Variants in SORCS1 observed in about 807,000 individuals in gnomAD.
SORCS1 encodes the protein sortilin related VPS10 domain containing receptor 1.
SORCS1 carries 60 observed loss-of-function variants against 146.1 expected under a neutral mutation model. That is an observed-to-expected ratio of 0.41 (90% confidence interval 0.33 to 0.51). The LOEUF (loss-of-function observed/expected upper bound fraction) is 0.51, where lower values mean the gene tolerates loss of function less well. SORCS1 is among the 20% of genes least tolerant of loss of function. The probability of loss-of-function intolerance (pLI) is 0.21; values close to 1 mark genes in which losing one functional copy is unlikely to be tolerated. For missense variants in SORCS1, 1,352 were observed against 1,487.6 expected, an observed-to-expected ratio of 0.91 and a Z score of 1.50; for synonymous variants, 637 against 584.0, an observed-to-expected ratio of 1.09 and a Z score of -1.31.
At chr10:106,884,618 C>T (rs758530277) in intron 2 of SORCS1, among the ~76,000 whole-genome samples, 5 of 152,132 alleles carry the variant, frequency 3.3e-5, no homozygotes, top group Non-Finnish European at 5.9e-5. Context: ...TAACATTTGT[C>T]AGTTAAAGCC....
At chr10:106,696,188 C>T (rs764176576) in intron 9 of SORCS1, among the ~76,000 whole-genome samples, 1 of 152,198 alleles carries the variant, frequency 6.6e-6, no homozygotes, top group Non-Finnish European at 1.5e-5. Context: ...CAAATGTGAG[C>T]AGACATGCAC....
chr10:107,038,305 T>C (rs919070176), intron 1 of SORCS1, among the ~76,000 whole-genome samples: 2 of 146,412 alleles, frequency 1.4e-5, no homozygotes, highest in African/African-American at 2.5e-5. Context: ...AGGAAAAACG[T>C]AGGGAGAAGC....
intron 2 of SORCS1, among the ~76,000 whole-genome samples, chr10:106,923,702 C>T (rs1411471318): frequency 6.6e-6 from 1 of 152,198 alleles, no homozygotes; most frequent in African/African-American, 2.4e-5. Context: ...TTGCAATTCT[C>T]TTACATGGTG....
intron 1 of SORCS1, among the ~76,000 whole-genome samples, chr10:107,140,764 T>C (rs1391668362): frequency 6.6e-6 from 1 of 152,256 alleles, no homozygotes; most frequent in Middle Eastern, 3.2e-3. Context: ...ATGGTAATTC[T>C]GGCTGAGCAT....
At chr10:106,664,626 A>G in intron 17 of SORCS1, among the ~76,000 whole-genome samples, 1 of 152,180 alleles carries the variant, frequency 6.6e-6, no homozygotes, top group East Asian at 1.9e-4. Context: ...TGGGTAACAG[A>G]GTGAGACTCC....
chr10:107,101,684 A>T (rs1964933154), intron 1 of SORCS1, among the ~76,000 whole-genome samples: 1 of 152,130 alleles, frequency 6.6e-6, no homozygotes, highest in Admixed American at 6.5e-5. Context: ...AATAAAAAAT[A>T]GTAACCTGAA....
intron 1 of SORCS1, among the ~76,000 whole-genome samples, chr10:106,993,831 T>A (rs1956873776): frequency 6.6e-6 from 1 of 152,086 alleles, no homozygotes; most frequent in Non-Finnish European, 1.5e-5. Context: ...CCCTACACTT[T>A]GGGAGGCTGA....
upstream of SORCS1, among the ~76,000 whole-genome samples, chr10:107,168,229 C>T (rs1970094751): frequency 6.6e-6 from 1 of 152,184 alleles, no homozygotes; most frequent in African/African-American, 2.4e-5. Flanking sequence ...AACCCCACTT[C>T]ATATGGCTGA....
chr10:106,841,811 G>C (rs1949058269), intron 2 of SORCS1, among the ~76,000 whole-genome samples: 1 of 152,136 alleles, frequency 6.6e-6, no homozygotes, highest in Non-Finnish European at 1.5e-5. Flanking sequence ...GTGCACCATA[G>C]TTTCCAGTCA....
intron 1 of SORCS1, among the ~76,000 whole-genome samples, chr10:107,035,707 C>T (rs563873931): frequency 1.3e-5 from 2 of 152,210 alleles, no homozygotes; most frequent in African/African-American, 2.4e-5. Flanking sequence ...CACTTAAAAG[C>T]TATTTCACAT....
At chr10:106,805,354 C>G (rs1004993202) in intron 3 of SORCS1, among the ~76,000 whole-genome samples, 2 of 152,158 alleles carry the variant, frequency 1.3e-5, no homozygotes, top group Non-Finnish European at 2.9e-5. Context: ...GGCTTGGAAT[C>G]TATTACCTTT....
At chr10:106,642,043 C>T (rs1849105395) in intron 18 of SORCS1, among the ~76,000 whole-genome samples, 1 of 152,136 alleles carries the variant, frequency 6.6e-6, no homozygotes, top group Non-Finnish European at 1.5e-5. Flanking sequence ...AAACATCTAA[C>T]TATTTGCTGA....
chr10:107,108,811 A>C (rs917311161), intron 1 of SORCS1, among the ~76,000 whole-genome samples: 1 of 152,012 alleles, frequency 6.6e-6, no homozygotes, highest in East Asian at 1.9e-4. Context: ...CCTGTAACAT[A>C]AAAAAAACAA....
At chr10:106,740,849 G>A (rs1857311290) in intron 5 of SORCS1, among the ~76,000 whole-genome samples, 1 of 152,226 alleles carries the variant, frequency 6.6e-6, no homozygotes, top group South Asian at 2.1e-4. Context: ...TGTTATCTCT[G>A]AAAGCAATTT....
intron 18 of SORCS1, among the ~76,000 whole-genome samples, chr10:106,629,916 C>T (rs1287855174): frequency 2.0e-5 from 3 of 152,074 alleles, no homozygotes; most frequent in Middle Eastern, 3.2e-3. Context: ...TGGTGGCGCA[C>T]GCCTATAGTC....
chr10:106,790,276 G>A (rs1189367810), intron 3 of SORCS1, among the ~76,000 whole-genome samples: 1 of 152,156 alleles, frequency 6.6e-6, no homozygotes, highest in Non-Finnish European at 1.5e-5. Flanking sequence ...TAACATCAGA[G>A]GTTTGTTCTA....
intron 1 of SORCS1, among the ~76,000 whole-genome samples, chr10:107,114,904 G>C (rs1178582313): frequency 2.0e-5 from 3 of 152,004 alleles, no homozygotes; most frequent in Non-Finnish European, 4.4e-5. Flanking sequence ...ATTCAGTAAA[G>C]TTACAGGAAA....
chr10:106,678,052 T>C (rs536961401), intron 12 of SORCS1, among the ~76,000 whole-genome samples: 1 of 152,318 alleles, frequency 6.6e-6, no homozygotes, highest in East Asian at 1.9e-4. Flanking sequence ...TGAAGTCAAA[T>C]GGAGACACAA....
rs1392077086 is a variant in SORCS1, at chr10:107,084,094, T to TTG, written c.558+79874_558+79875insCA. ...GTGGGTTATTTTTGTTGTTTTTTGTTTTTTTTTTTTTTTTTTTTTGAGACC... is the reference window on the plus strand; with the variant it reads ...GTGGGTTATTTTTGTTGTTTTTTGTTTGTTTTTTTTTTTTTTTTTTTGAGACC... On this transcript the variant is annotated intron_variant, in intron 1 of 25. Transcript: ENST00000263054. Among the ~76,000 whole-genome samples, 176 of 69,640 alleles carry TTG rather than the reference T, an allele frequency of 2.5e-3. 3 individuals carry two copies. The highest frequency in any genetic ancestry group is 3.4e-3 in the African/African-American group (79 of 23,044). The allele number at this position is 69,640 out of a possible 152,430, so 45.7% of individuals were successfully genotyped here.
Sources: gnomAD v4.1 joint callset for allele counts (sites outside exome capture counted in the v4.1 genomes callset) on GRCh38, gnomAD v4.1.1 for gene constraint, MANE v1.5 for transcripts, NCBI Gene and HGNC (gene_info 2026-07-23, HGNC 2026-07-21) for gene names.